The following NFIA variants were observed in gnomAD, a reference collection of about 807,000 sequenced individuals.
NFIA encodes nuclear factor 1 A-type.
Under a neutral mutation model 62.8 loss-of-function variants are expected in NFIA, and 8 were observed. The ratio of observed to expected loss-of-function variants is 0.13; its 90% confidence interval spans 0.07 to 0.23. NFIA has a LOEUF of 0.23. Ranked by LOEUF, NFIA falls within the 10% of genes least tolerant of loss-of-function variation. The pLI is 1.00. For missense variants in NFIA, 410 were observed against 642.1 expected, an observed-to-expected ratio of 0.64 and a Z score of 3.91; for synonymous variants, 235 against 238.1, an observed-to-expected ratio of 0.99 and a Z score of 0.12.
intron 9 of NFIA, among the ~76,000 whole-genome samples, chr1:61,423,819 A>G (rs1477178479): frequency 6.6e-6 from 1 of 152,182 alleles, no homozygotes; most frequent in African/African-American, 2.4e-5. Flanking sequence ...CTGCCCTGCT[A>G]GAATAATGGA....
chr1:61,080,229 G>A (rs948562788), upstream of NFIA, among the ~76,000 whole-genome samples: 4 of 151,814 alleles, frequency 2.6e-5, no homozygotes, highest in African/African-American at 9.7e-5. Flanking sequence ...CACATCCACT[G>A]CTGCAACAAA....
intron 10 of NFIA, among the ~76,000 whole-genome samples, chr1:61,435,391 G>A (rs1312565246): frequency 6.6e-6 from 1 of 152,198 alleles, no homozygotes; most frequent in African/African-American, 2.4e-5. Context: ...ATCTGTGAGT[G>A]AGTGGTTGTT....
At chr1:61,131,381 T>C (rs1195602850) in intron 2 of NFIA, among the ~76,000 whole-genome samples, 1 of 152,182 alleles carries the variant, frequency 6.6e-6, no homozygotes, top group South Asian at 2.1e-4. Flanking sequence ...CTTTGTTCAT[T>C]GACATAGATG....
chr1:61,391,672 A>G (rs1664993466), intron 7 of NFIA, among the ~76,000 whole-genome samples: 1 of 152,196 alleles, frequency 6.6e-6, no homozygotes. Context: ...CTCCAAACTA[A>G]GGTCCCTCCA....
chr1:61,184,865 A>G, intron 2 of NFIA, among the ~76,000 whole-genome samples: 1 of 152,180 alleles, frequency 6.6e-6, no homozygotes, highest in East Asian at 1.9e-4. Context: ...AGGAACTGAA[A>G]GAAAACAGAG....
At chr1:61,371,935 A>T (rs573316029) in intron 6 of NFIA, among the ~76,000 whole-genome samples, 1 of 152,262 alleles carries the variant, frequency 6.6e-6, no homozygotes, top group African/African-American at 2.4e-5. Flanking sequence ...AGTTCATTGC[A>T]TGAGTAGAAG....
intron 2 of NFIA, among the ~76,000 whole-genome samples, chr1:61,204,422 G>A (rs1456996673): frequency 1.3e-5 from 2 of 152,234 alleles, no homozygotes; most frequent in Admixed American, 6.5e-5. Context: ...GAGCATGGAT[G>A]TAAATGACCC....
chr1:61,352,842 A>G (rs576403181), intron 5 of NFIA, among the ~76,000 whole-genome samples: 1 of 152,284 alleles, frequency 6.6e-6, no homozygotes, highest in East Asian at 1.9e-4. Context: ...AAATAGTTAA[A>G]GAGAGCTTTA....
intron 2 of NFIA, among the ~76,000 whole-genome samples, chr1:61,135,792 G>C (rs1557589829): frequency 6.6e-6 from 1 of 152,136 alleles, no homozygotes; most frequent in Non-Finnish European, 1.5e-5. Flanking sequence ...CAGTCATCCA[G>C]GTTTACTGAA....
intron 2 of NFIA, among the ~76,000 whole-genome samples, chr1:61,270,475 T>C (rs920054394): frequency 1.3e-5 from 2 of 152,344 alleles, no homozygotes; most frequent in East Asian, 1.9e-4. Flanking sequence ...CATTTTATTA[T>C]TTCAATAAAA....
At chr1:61,098,371 G>A (rs1023617948) in intron 2 of NFIA, among the ~76,000 whole-genome samples, 16 of 152,164 alleles carry the variant, frequency 1.1e-4, no homozygotes, top group Admixed American at 2.0e-4. Flanking sequence ...GAAATTTTGC[G>A]TCTTTATATG....
At chr1:61,427,566 A>C (rs1666925083) in intron 10 of NFIA, among the ~76,000 whole-genome samples, 1 of 152,190 alleles carries the variant, frequency 6.6e-6, no homozygotes, top group Admixed American at 6.5e-5. Context: ...CAGGTGCTAT[A>C]TGAATGGGAT....
intron 2 of NFIA, among the ~76,000 whole-genome samples, chr1:61,240,155 G>C (rs1016035131): frequency 1.3e-5 from 2 of 152,086 alleles, no homozygotes. Context: ...ATTAAGTGAA[G>C]TAAAATGTTT....
intron 2 of NFIA, among the ~76,000 whole-genome samples, chr1:61,257,342 T>G (rs1460216849): frequency 1.5e-4 from 20 of 135,284 alleles, no homozygotes; most frequent in East Asian, 1.3e-3. Flanking sequence ...TTTTTTTTTT[T>G]TTTTTTTTTT....
At chr1:61,166,273 AT>A (rs1245250329) in intron 2 of NFIA, among the ~76,000 whole-genome samples, 1 of 152,224 alleles carries the variant, frequency 6.6e-6, no homozygotes, top group Admixed American at 6.5e-5. Flanking sequence ...GCTGTCTTTA[AT>A]CTTCATCCCA....
chr1:61,349,373 A>T (rs1234505919), intron 4 of NFIA, among the ~76,000 whole-genome samples: 1 of 152,068 alleles, frequency 6.6e-6, no homozygotes, highest in Non-Finnish European at 1.5e-5. Context: ...AGGTTTATTC[A>T]TTGGTATTAA....
intron 2 of NFIA, among the ~76,000 whole-genome samples, chr1:61,208,347 G>A (rs1169933769): frequency 6.6e-6 from 1 of 152,198 alleles, no homozygotes; most frequent in African/African-American, 2.4e-5. Flanking sequence ...GCCAGGCAGA[G>A]TGAGCTCAGA....
chr1:61,300,721 A>G (rs1005253803), intron 3 of NFIA, among the ~76,000 whole-genome samples: 5 of 152,022 alleles, frequency 3.3e-5, no homozygotes, highest in Non-Finnish European at 7.4e-5. Context: ...ATATATGTAT[A>G]TACACACACA....
intron 3 of NFIA, among the ~76,000 whole-genome samples, chr1:61,300,826 A>C (rs573373314): frequency 6.6e-5 from 10 of 152,192 alleles, no homozygotes; most frequent in African/African-American, 2.4e-4. Context: ...TTTTATAAAG[A>C]TTGGTGGCTT....
Sources: gnomAD v4.1 joint callset for allele counts (sites outside exome capture counted in the v4.1 genomes callset) on GRCh38, gnomAD v4.1.1 for gene constraint, MANE v1.5 for transcripts, NCBI Gene and HGNC (gene_info 2026-07-23, HGNC 2026-07-21) for gene names.